PPFIA2: variants seen among roughly 807,000 people sequenced by gnomAD.
PPFIA2 encodes liprin-alpha-2.
In PPFIA2, 46 loss-of-function variants were observed where a neutral mutation model predicts 175.5. That is an observed-to-expected ratio of 0.26 (90% CI 0.21 to 0.34). The LOEUF is 0.34. Among genes scored for constraint, PPFIA2 ranks in the 10% least tolerant of loss-of-function variants. The pLI is 1.00. For missense variants in PPFIA2, 1,179 were observed against 1,506.1 expected (o/e 0.78, Z 3.60); for synonymous variants, 568 against 511.4 (o/e 1.11, Z -1.49).
intron 4 of PPFIA2, among the ~76,000 whole-genome samples, chr12:81,480,508 T>A (rs1264570475): frequency 1.3e-5 from 2 of 152,200 alleles, no homozygotes; most frequent in African/African-American, 2.4e-5. Flanking sequence ...TTTGGGAATA[T>A]TCAGTCTTTT....
At chr12:81,743,411 CAAAAAAAAAAAAAAA>C (rs772497730) in intron 3 of PPFIA2, among the ~76,000 whole-genome samples, 16 of 24,854 alleles carry the variant, frequency 6.4e-4, no homozygotes, top group African/African-American at 2.2e-3. Flanking sequence ...GACTCCGTCT[CAAAAAAAAAAAAAAA>C]AAAAAAAAAA....
intron 8 of PPFIA2, among the ~76,000 whole-genome samples, chr12:81,384,984 T>C (rs914668092): frequency 1.3e-5 from 2 of 152,030 alleles, no homozygotes; most frequent in Admixed American, 1.3e-4. Flanking sequence ...GTCCGAAATA[T>C]ATAAACAACT....
intron 16 of PPFIA2, among the ~76,000 whole-genome samples, chr12:81,356,947 G>C (rs2060950037): frequency 6.6e-6 from 1 of 152,148 alleles, no homozygotes; most frequent in Admixed American, 6.5e-5. Context: ...TCCATTTGAA[G>C]TAAGCAATTG....
chr12:81,304,195 T>C (rs777913873), intron 22 of PPFIA2, among the ~76,000 whole-genome samples: 63 of 152,204 alleles, frequency 4.1e-4, no homozygotes, highest in Admixed American at 3.9e-4. Context: ...ATTTTCTCTA[T>C]AGTATCTTTT....
intron 4 of PPFIA2, among the ~76,000 whole-genome samples, chr12:81,673,938 C>T (rs1163748562): frequency 6.6e-6 from 1 of 151,914 alleles, no homozygotes; most frequent in Non-Finnish European, 1.5e-5. Flanking sequence ...TCAATAAAAT[C>T]TATTTAACAC....
At chr12:81,634,025 G>T (rs1303284675) in intron 4 of PPFIA2, among the ~76,000 whole-genome samples, 1 of 152,032 alleles carries the variant, frequency 6.6e-6, no homozygotes. Flanking sequence ...CTTTGTAATG[G>T]CTTAAAATAT....
chr12:81,299,944 A>C (rs1415409258), intron 22 of PPFIA2, among the ~76,000 whole-genome samples: 4 of 152,168 alleles, frequency 2.6e-5, no homozygotes, highest in Admixed American at 1.3e-4. Context: ...CTTGGAGAAA[A>C]CTCCAAGGTA....
intron 4 of PPFIA2, among the ~76,000 whole-genome samples, chr12:81,458,338 AC>A (rs1363068065): frequency 0.011 from 397 of 36,220 alleles, 1 homozygote; most frequent in African/African-American, 0.076. Flanking sequence ...AGAGGAATCT[AC>A]CTTTTTTTTT....
chr12:81,317,235 T>C (rs2052591002), intron 22 of PPFIA2, among the ~76,000 whole-genome samples: 1 of 151,406 alleles, frequency 6.6e-6, no homozygotes, highest in Non-Finnish European at 1.5e-5. Context: ...ATCAAGACCA[T>C]GAAGTGCAAG....
intron 9 of PPFIA2, among the ~76,000 whole-genome samples, chr12:81,380,390 G>T (rs1031056109): frequency 1.3e-5 from 2 of 151,862 alleles, no homozygotes; most frequent in Admixed American, 6.6e-5. Flanking sequence ...TATTTTAAAA[G>T]AATAATTAAG....
At chr12:81,700,531 T>A (rs1293618435) in intron 3 of PPFIA2, among the ~76,000 whole-genome samples, 1 of 152,132 alleles carries the variant, frequency 6.6e-6, no homozygotes, top group Non-Finnish European at 1.5e-5. Context: ...GGTTTGGTTT[T>A]TGTTTTGTTT....
chr12:81,718,393 G>A (rs1294368855), intron 3 of PPFIA2, among the ~76,000 whole-genome samples: 3 of 151,558 alleles, frequency 2.0e-5, no homozygotes, highest in African/African-American at 7.3e-5. Flanking sequence ...TGAGAAGTGG[G>A]ATGTGGCTGA....
chr12:81,536,908 CA>C (rs905408209), intron 4 of PPFIA2, among the ~76,000 whole-genome samples: 3 of 149,948 alleles, frequency 2.0e-5, no homozygotes, highest in African/African-American at 7.3e-5. Flanking sequence ...TCAAATATAG[CA>C]GTTAAGACTG....
chr12:81,370,285 C>T (rs1367580188), intron 11 of PPFIA2, among the ~76,000 whole-genome samples: 1 of 151,704 alleles, frequency 6.6e-6, no homozygotes, highest in African/African-American at 2.4e-5. Context: ...TGAGTTTCCT[C>T]AGCAACAGGA....
intron 3 of PPFIA2, among the ~76,000 whole-genome samples, chr12:81,734,482 A>C (rs1446989709): frequency 6.6e-6 from 1 of 151,750 alleles, no homozygotes; most frequent in East Asian, 1.9e-4. Flanking sequence ...TAAGAAGCTT[A>C]ATCATTTATT....
At chr12:81,501,061 C>A (rs1248073796) in intron 4 of PPFIA2, among the ~76,000 whole-genome samples, 1 of 152,222 alleles carries the variant, frequency 6.6e-6, no homozygotes, top group Non-Finnish European at 1.5e-5. Context: ...ACTCTGCTCA[C>A]AAGCCTCCAG....
At chr12:81,459,635 C>A (rs1398203777) in intron 4 of PPFIA2, among the ~76,000 whole-genome samples, 1 of 151,074 alleles carries the variant, frequency 6.6e-6, no homozygotes, top group Non-Finnish European at 1.5e-5. Context: ...AAAATATAAA[C>A]CTGTAAGTGC....
chr12:81,376,038 G>A (rs2036280732), intron 9 of PPFIA2, 96 bp from the exon 10 acceptor site: 8 of 1,164,186 alleles, frequency 6.9e-6, no homozygotes, highest in Non-Finnish European at 9.8e-6. Context: ...AAAAACTATT[G>A]CATTCTTGAA....
At chr12:81,366,862 A>T (rs1437580725) in intron 14 of PPFIA2, among the ~76,000 whole-genome samples, 1 of 151,766 alleles carries the variant, frequency 6.6e-6, no homozygotes, top group Non-Finnish European at 1.5e-5. Context: ...ATGGAAGAGT[A>T]TGAGTATAGA....
Sources: allele counts gnomAD v4.1 joint callset (sites outside exome capture counted in the v4.1 genomes callset), GRCh38; gene constraint gnomAD v4.1.1; transcripts MANE v1.5; gene names NCBI Gene and HGNC (gene_info 2026-07-23, HGNC 2026-07-21).